DCDC1: variants seen among roughly 807,000 people sequenced by gnomAD.
DCDC1 encodes the protein doublecortin domain containing 1.
A neutral mutation model predicts 178.3 loss-of-function variants in DCDC1; 200 were observed. The ratio of observed to expected loss-of-function variants is 1.12; its 90% CI spans 1.00 to 1.26. The LOEUF (loss-of-function observed/expected upper bound fraction) is 1.26, where lower values mean the gene tolerates loss of function less well. Ranked by LOEUF, DCDC1 falls within the 50% of genes most tolerant of loss-of-function variation. The pLI, the probability that DCDC1 is intolerant of heterozygous loss-of-function variation, is 0.00. For missense variants in DCDC1, 1,983 were observed against 1,749.2 expected, an observed-to-expected ratio of 1.13 and a Z score of -2.38; for synonymous variants, 690 against 604.8, an observed-to-expected ratio of 1.14 and a Z score of -2.07.
intron 1 of DCDC1, among the ~76,000 whole-genome samples, chr11:31,361,460 A>G (rs1951705094): frequency 6.6e-6 from 1 of 152,176 alleles, no homozygotes; most frequent in African/African-American, 2.4e-5. Context: ...AATTTACGTT[A>G]GTAAAATTGA....
chr11:30,948,247 A>G (rs1948181512), intron 21 of DCDC1, among the ~76,000 whole-genome samples: 1 of 152,190 alleles, frequency 6.6e-6, no homozygotes, highest in Non-Finnish European at 1.5e-5. Flanking sequence ...GTGAACTCCC[A>G]TTCATAATTG....
intron 1 of DCDC1, among the ~76,000 whole-genome samples, chr11:31,358,742 GA>G (rs1951536637): frequency 6.6e-6 from 1 of 151,734 alleles, no homozygotes; most frequent in South Asian, 2.1e-4. Context: ...AAATTTACAA[GA>G]AAAAAACAAC....
intron 10 of DCDC1, among the ~76,000 whole-genome samples, chr11:31,132,529 T>C (rs1184875129): frequency 1.3e-5 from 2 of 152,156 alleles, no homozygotes; most frequent in Non-Finnish European, 2.9e-5. Context: ...CCTTTTTTTT[T>C]CCTCTACAAA....
chr11:31,291,362 G>A (rs1259633301), intron 6 of DCDC1, among the ~76,000 whole-genome samples: 2 of 151,994 alleles, frequency 1.3e-5, no homozygotes, highest in Non-Finnish European at 2.9e-5. Flanking sequence ...CTAGAAGGAA[G>A]GTGCCTTCTA....
At chr11:30,873,067 CTCTCTCTCTCTG>C (rs1206664037) in intron 38 of DCDC1, among the ~76,000 whole-genome samples, 5 of 150,196 alleles carry the variant, frequency 3.3e-5, no homozygotes, top group Admixed American at 1.3e-4. Flanking sequence ...AAGCTGGTCT[CTCTCTCTCTCTG>C]TCTCTCTCTC....
chr11:30,942,306 A>G (rs1326186420), intron 21 of DCDC1, among the ~76,000 whole-genome samples: 1 of 152,208 alleles, frequency 6.6e-6, no homozygotes, highest in Non-Finnish European at 1.5e-5. Flanking sequence ...ATTTGTCTGT[A>G]ACTATTCTAT....
At chr11:31,210,139 G>T (rs1179261200) in intron 9 of DCDC1, among the ~76,000 whole-genome samples, 1 of 152,120 alleles carries the variant, frequency 6.6e-6, no homozygotes. Context: ...AGTAGAATTT[G>T]GTGTGCCAGT....
At chr11:31,156,949 A>C (rs2136133614) in intron 9 of DCDC1, among the ~76,000 whole-genome samples, 1 of 152,354 alleles carries the variant, frequency 6.6e-6, no homozygotes, top group South Asian at 2.1e-4. Flanking sequence ...AAAATACTTC[A>C]AGAATATCAA....
intron 22 of DCDC1, among the ~76,000 whole-genome samples, chr11:30,927,548 A>G (rs548573333): frequency 6.6e-6 from 1 of 152,274 alleles, no homozygotes; most frequent in Non-Finnish European, 1.5e-5. Flanking sequence ...TTTGCTGAAG[A>G]CTTCCAGCTA....
At chr11:31,049,981 T>G (rs1314522754) in intron 20 of DCDC1, among the ~76,000 whole-genome samples, 1 of 152,166 alleles carries the variant, frequency 6.6e-6, no homozygotes, top group Non-Finnish European at 1.5e-5. Flanking sequence ...CGTAAAAATT[T>G]GAACAGGGCA....
At chr11:30,975,020 C>T (rs1047919225) in intron 20 of DCDC1, among the ~76,000 whole-genome samples, 1 of 152,014 alleles carries the variant, frequency 6.6e-6, no homozygotes, top group African/African-American at 2.4e-5. Context: ...AAAGATAACA[C>T]ACCACAATCA....
intron 9 of DCDC1, among the ~76,000 whole-genome samples, chr11:31,194,612 T>A (rs949482912): frequency 1.7e-4 from 26 of 152,236 alleles, no homozygotes; most frequent in African/African-American, 6.0e-4. Context: ...AATAGCTCCA[T>A]AGCCATCATT....
At chr11:31,107,565 T>C (rs1457038312) in intron 12 of DCDC1, among the ~76,000 whole-genome samples, 4 of 152,354 alleles carry the variant, frequency 2.6e-5, no homozygotes, top group African/African-American at 7.2e-5. Context: ...GTGTGAAGTA[T>C]GAAAAGCTGT....
At chr11:31,315,205 A>G (rs1171198431) in intron 3 of DCDC1, among the ~76,000 whole-genome samples, 2 of 151,686 alleles carry the variant, frequency 1.3e-5, no homozygotes, top group Non-Finnish European at 2.9e-5. Flanking sequence ...TTGGTCTCAC[A>G]TTCAACAATT....
intron 35 of DCDC1, among the ~76,000 whole-genome samples, 193 bp downstream of exon 35, chr11:30,894,055 C>G (rs1944003819): frequency 6.6e-6 from 1 of 152,168 alleles, no homozygotes; most frequent in African/African-American, 2.4e-5. Flanking sequence ...AAAACAGACC[C>G]TCATATGAGC....
chr11:30,981,151 C>G (rs991087191), intron 20 of DCDC1, among the ~76,000 whole-genome samples: 2 of 151,974 alleles, frequency 1.3e-5, no homozygotes, highest in Non-Finnish European at 2.9e-5. Context: ...GTACCATGGA[C>G]CCACAGAGGG....
At chr11:31,286,391 T>C (rs1946840962) in intron 7 of DCDC1, among the ~76,000 whole-genome samples, 1 of 151,984 alleles carries the variant, frequency 6.6e-6, no homozygotes, top group Non-Finnish European at 1.5e-5. Flanking sequence ...TATATATATG[T>C]CATAATATAT....
chr11:31,048,329 A>G (rs920602084), intron 20 of DCDC1, among the ~76,000 whole-genome samples: 2 of 152,356 alleles, frequency 1.3e-5, no homozygotes, highest in African/African-American at 4.8e-5. Flanking sequence ...AAGAGAGAAC[A>G]CAATGAAAAA....
In DCDC1 at chr11:30,916,863, T is replaced by A; in HGVS notation, c.3452+7A>T. On this transcript the variant is annotated splice_region_variant and intron_variant, in intron 26 of 38. Transcript: ENST00000684477. Reference sequence around the variant, plus strand: ...ATCTTTAAGAGGAATCCTTTGCAACTTTTTACCTGTGTTTCTTCTGTGGTT... The same window carrying A: ...ATCTTTAAGAGGAATCCTTTGCAACATTTTACCTGTGTTTCTTCTGTGGTT... The A allele has an allele frequency of 6.3e-7, 1 of 1,594,740 alleles. No individual in the cohort carries two copies. The highest frequency in any genetic ancestry group is 8.5e-7 in the Non-Finnish European group (1 of 1,171,738).
Sources: allele counts gnomAD v4.1 joint callset (sites outside exome capture counted in the v4.1 genomes callset), GRCh38; gene constraint gnomAD v4.1.1; transcripts MANE v1.5; gene names NCBI Gene and HGNC (gene_info 2026-07-23, HGNC 2026-07-21).